Variants in CAMKK1 observed in about 807,000 individuals in gnomAD.
The protein encoded by CAMKK1 is calcium/calmodulin dependent protein kinase kinase 1.
CAMKK1 carries 20 observed loss-of-function variants against 63.5 expected under a neutral mutation model. The ratio of observed to expected loss-of-function variants is 0.32; its 90% CI spans 0.22 to 0.46. The LOEUF is 0.46. Among genes scored for constraint, CAMKK1 ranks in the 20% least tolerant of loss-of-function variants. The pLI is 1.00. For synonymous variants in CAMKK1, 253 were observed against 269.0 expected, an observed-to-expected ratio of 0.94 and a Z score of 0.58; for missense variants, 588 against 658.1, an observed-to-expected ratio of 0.89 and a Z score of 1.17.
chr17:3,892,639 G>A lies in CAMKK1; in HGVS notation c.-44+300C>T, dbSNP rs529957498. Among the ~76,000 whole-genome samples the A allele has an allele frequency of 4.6e-5, 7 of 152,252 alleles. No homozygotes were observed. Among genetic ancestry groups the A allele is most frequent in the East Asian group, 1.9e-4 (1 of 5,166 alleles). On this transcript the variant is annotated intron_variant, in intron 1 of 15. Coordinates refer to ENST00000348335, the MANE Select transcript of CAMKK1 (RefSeq NM_032294.3). The surrounding 1 kb of genome is among the most constrained non-coding windows in gnomAD (Gnocchi z 7.5). ...GCCTCCACCAGGAGCCGGGCGCGGG[G>A]GACAGTGCACCGGGGATGGATGCGG... is the stretch of plus-strand genomic sequence containing the variant.
intron 9 of CAMKK1, among the ~76,000 whole-genome samples, chr17:3,877,037 C>T (rs34890831): frequency 0.34 from 51,260 of 151,776 alleles, 9,564 homozygotes; most frequent in Non-Finnish European, 0.41. Flanking sequence ...GGATTACAGG[C>T]GTGAGCCACC....
intron 8 of CAMKK1, 127 bp from the exon 9 acceptor site, chr17:3,880,561 T>G: frequency 1.5e-6 from 1 of 658,018 alleles, no homozygotes; most frequent in Non-Finnish European, 2.7e-6. Context: ...TAGCTTTTTC[T>G]GCTACATAAT....
At position 3,876,391 on chromosome 17, in the gene CAMKK1, G is replaced by A. The variant is rs2055154019; in HGVS notation, c.828C>T (p.Ile276=). The change falls in exon 10 of 16, where the codon ATC becomes ATT. Residue 276 remains isoleucine, a synonymous_variant. Coordinates refer to ENST00000348335, the MANE Select transcript of CAMKK1 (RefSeq NM_032294.3). The part of the protein sequence containing the change: ...LHCQKIVHRD[I]KPSNLLLGDD... ...CCCCCAGGAGCAGGTTGGATGGCTTGATGTCCCTGTGGACGATCTTCTGGC... is the reference window on the plus strand; with the variant it reads ...CCCCCAGGAGCAGGTTGGATGGCTTAATGTCCCTGTGGACGATCTTCTGGC... 6.8e-6 allele frequency: 11 copies of A among 1,614,226 alleles called. No homozygotes were observed. The highest frequency in any genetic ancestry group is 9.3e-6 in the Non-Finnish European group (11 of 1,180,028).
chr17:3,883,492 G>A lies in CAMKK1; in HGVS notation c.463-12C>T. The A allele has an allele frequency of 6.2e-7, 1 of 1,611,750 alleles. No individual in the cohort carries two copies. The highest frequency in any genetic ancestry group is 8.5e-7 in the Non-Finnish European group (1 of 1,177,854). On this transcript the variant is annotated splice_polypyrimidine_tract_variant and intron_variant, in intron 4 of 15. Transcript: ENST00000348335. This position sits in a 1 kb window ranked among gnomAD's most constrained non-coding sequence, Gnocchi z 4.7. ...AGGACTTTCATTGCCTAAGGAAGGA[G>A]GGACAGAAATGTCACTACTGTGCAG...
In CAMKK1 at chr17:3,880,081, A is replaced by G. The variant is rs557489187; in HGVS notation, c.796+265T>C. ...CTAAGCTAGGCTAAGAACTCAGCAG[A>G]AGAAAGATACAGAACAGCCAGGACT... On this transcript the variant is annotated intron_variant, in intron 9 of 15. Transcript: ENST00000348335. The G allele has an allele frequency of 8.2e-5, 40 of 488,514 alleles. 1 individual carries two copies. In the South Asian group the frequency reaches 1.0e-3, roughly 13 times the overall value. The allele number at this position is 488,514 out of a possible 1,614,324, so 30.3% of individuals were successfully genotyped here.
chr17:3,867,056 C>T lies in CAMKK1; in HGVS notation c.1342-1045G>A, dbSNP rs149875848. On this transcript the variant is annotated intron_variant, in intron 14 of 15. Transcript: ENST00000348335. ...TTATATTCTAGTTGGGGGAGACAGG[C>T]GATAAGTAAAGAAGAAAAATCAGTA... Among the ~76,000 whole-genome samples, 26 of 152,034 alleles carry T rather than the reference C, an allele frequency of 1.7e-4. No individual in the cohort carries two copies. In the East Asian group the frequency reaches 4.4e-3, roughly 26 times the overall value.
At chr17:3,885,753 G>C (rs2055622401) in intron 1 of CAMKK1, 23 bp from the exon 2 acceptor site, 2 of 1,588,474 alleles carry the variant, frequency 1.3e-6, no homozygotes, top group Non-Finnish European at 1.7e-6. Flanking sequence ...GGCAGAGAAG[G>C]CTTCACTCCT....
intron 9 of CAMKK1, chr17:3,878,826 A>C (rs200040770): frequency 3.2e-5 from 4 of 125,934 alleles, no homozygotes; most frequent in African/African-American, 9.5e-5. Flanking sequence ...TTATTTATTT[A>C]TTTTGAGATG....
intron 14 of CAMKK1, among the ~76,000 whole-genome samples, chr17:3,866,723 CTT>C (rs5818921): frequency 7.4e-5 from 11 of 148,744 alleles, no homozygotes; most frequent in East Asian, 2.0e-4. Flanking sequence ...CTCATATAGC[CTT>C]TTTTTTTTTT....
intron 8 of CAMKK1, 89 bp from the exon 9 acceptor site, chr17:3,880,523 C>T: frequency 1.1e-6 from 1 of 894,448 alleles, no homozygotes; most frequent in African/African-American, 1.7e-5. Context: ...AAACCTGTGC[C>T]CACATGAGTC....
intron 1 of CAMKK1, 47 bp from the exon 2 acceptor site, chr17:3,885,777 G>C (rs754565832): frequency 6.4e-7 from 1 of 1,558,642 alleles, no homozygotes; most frequent in Non-Finnish European, 8.6e-7. Flanking sequence ...TGTCAGGCTG[G>C]CTACCAGGTA....
chr17:3,867,824 G>T (rs1597443545), intron 14 of CAMKK1, among the ~76,000 whole-genome samples: 1 of 152,208 alleles, frequency 6.6e-6, no homozygotes, highest in Admixed American at 6.5e-5. Flanking sequence ...GGCAGGGCAG[G>T]GCTCTCAGTG....
At chr17:3,871,671 C>G (rs1472269900) in intron 12 of CAMKK1, among the ~76,000 whole-genome samples, 9 of 136,040 alleles carry the variant, frequency 6.6e-5, no homozygotes, top group Non-Finnish European at 1.2e-4. Context: ...CAGTTTCTTT[C>G]TTCTGTTTTT....
At chr17:3,864,505 C>A (rs543520894) in intron 15 of CAMKK1, among the ~76,000 whole-genome samples, 74 of 152,200 alleles carry the variant, frequency 4.9e-4, no homozygotes, top group Non-Finnish European at 9.0e-4. Context: ...CTCGGCCTCC[C>A]AAAGTGCTGG....
At chr17:3,880,323 T>G (rs764141524) in intron 9 of CAMKK1, 23 bp downstream of exon 9, 16 of 1,606,546 alleles carry the variant, frequency 1.0e-5, no homozygotes, top group Non-Finnish European at 1.4e-5. Flanking sequence ...CCAGCCCCAG[T>G]GGGCAAGCTG....
At chr17:3,866,663 C>T (rs953786459) in intron 14 of CAMKK1, among the ~76,000 whole-genome samples, 4 of 152,230 alleles carry the variant, frequency 2.6e-5, no homozygotes, top group Non-Finnish European at 5.9e-5. Context: ...CTACTGGGTG[C>T]TGGCCACTAC....
At position 3,880,454 on chromosome 17, in the gene CAMKK1, G is replaced by A. The variant is rs1366941605; in HGVS notation, c.708-20C>T. 1.2e-6 allele frequency: 2 copies of A among 1,604,758 alleles called. No individual in the cohort carries two copies. The highest frequency in any genetic ancestry group is 1.7e-6 in the Non-Finnish European group (2 of 1,173,772). ...ACGGGCCTATGGAGAAGGATGCGGG[G>A]AGGGGCATTCAGCTGAAATCAGGGC... is the stretch of plus-strand genomic sequence containing the variant. On this transcript the variant is annotated intron_variant, in intron 8 of 15. Transcript: ENST00000348335.
chr17:3,880,314 C>G, intron 9 of CAMKK1, 32 bp downstream of exon 9: 1 of 1,588,710 alleles, frequency 6.3e-7, no homozygotes, highest in Non-Finnish European at 8.6e-7. Context: ...CCCCTAGCCC[C>G]AGCCCCAGTG....
chr17:3,869,779 C>T (rs2054757260), intron 13 of CAMKK1, 22 bp downstream of exon 13: 3 of 1,612,086 alleles, frequency 1.9e-6, no homozygotes, highest in Non-Finnish European at 1.7e-6. Context: ...CCAGCCCAGC[C>T]CAAGACCCCC....
Sources: allele counts gnomAD v4.1 joint callset (sites outside exome capture counted in the v4.1 genomes callset), GRCh38; gene constraint gnomAD v4.1.1; non-coding constraint Gnocchi (gnomAD v3.1); transcripts MANE v1.5; gene names NCBI Gene and HGNC (gene_info 2026-07-23, HGNC 2026-07-21).